The following PTPRH variants were observed in gnomAD, a reference collection of about 807,000 sequenced individuals.
PTPRH encodes protein tyrosine phosphatase receptor type H.
Under a neutral mutation model 130.2 loss-of-function variants are expected in PTPRH, and 113 were observed. That is an observed-to-expected ratio of 0.87 (90% CI 0.75 to 1.01). The LOEUF (loss-of-function observed/expected upper bound fraction) is 1.01. Among genes scored for constraint, PTPRH ranks in the 50% least tolerant of loss-of-function variants. PTPRH has a pLI of 0.00. For synonymous variants in PTPRH, 556 were observed against 577.9 expected, an observed-to-expected ratio of 0.96 and a Z score of 0.54; for missense variants, 1,430 against 1,425.0, an observed-to-expected ratio of 1.00 and a Z score of -0.06.
chr19:55,207,347 A>ACCTAACCCTCGACCTAAC (rs2087103750), intron 1 of PTPRH, 148 bp from the exon 2 acceptor site: 1 of 787,370 alleles, frequency 1.3e-6, no homozygotes, highest in Non-Finnish European at 2.0e-6. Context: ...GGCTGTCACG[A>ACCTAACCCTCGACCTAAC]CCTCGACCGT....
intron 18 of PTPRH, among the ~76,000 whole-genome samples, chr19:55,184,438 C>T (rs1474090170): frequency 6.6e-6 from 1 of 152,184 alleles, no homozygotes; most frequent in Non-Finnish European, 1.5e-5. Flanking sequence ...GTTACTCTTC[C>T]TCATCTCCCT....
At chr19:55,188,261 C>T (rs2086424694) in intron 12 of PTPRH, 93 bp from the exon 13 acceptor site, 4 of 1,045,630 alleles carry the variant, frequency 3.8e-6, no homozygotes, top group Admixed American at 3.5e-5. Context: ...GCCTGTAATC[C>T]CAGCACTTTG....
chr19:55,198,072 C>CTGGG (rs1275528564), intron 8 of PTPRH, among the ~76,000 whole-genome samples: 1 of 152,218 alleles, frequency 6.6e-6, no homozygotes, highest in Admixed American at 6.5e-5. Flanking sequence ...TTTAAATGAG[C>CTGGG]TGGGCATGGT....
chr19:55,187,865 G>A (rs1319240261), intron 13 of PTPRH, among the ~76,000 whole-genome samples: 1 of 152,038 alleles, frequency 6.6e-6, no homozygotes, highest in Admixed American at 6.6e-5. Context: ...CTGGGTGGGG[G>A]CAGAGAGAGT....
intron 12 of PTPRH, among the ~76,000 whole-genome samples, chr19:55,189,513 G>A (rs1719542863): frequency 1.3e-5 from 2 of 152,086 alleles, no homozygotes; most frequent in South Asian, 2.1e-4. Context: ...GGAGACGCAC[G>A]ATGTTCTCTG....
At position 55,205,402 on chromosome 19, in the gene PTPRH, C is replaced by A; in HGVS notation, c.543G>T (p.Gly181=). ...CCCACATGGAAAACGCATACAAACA[C>A]CCGGGTTCAAGTCCATCCACGGTGA... is the stretch of plus-strand genomic sequence containing the variant. ...TNITVDGLEP[G]CLYAFSMWVG... Residue 181 remains glycine, a synonymous_variant, in exon 4 of 20, where the codon GGG becomes GGT. Coordinates refer to ENST00000376350, the MANE Select transcript of PTPRH (RefSeq NM_002842.5). 1 of 1,614,200 alleles carries A rather than the reference C, an allele frequency of 6.2e-7. No homozygotes were observed. Among genetic ancestry groups the A allele is most frequent in the Non-Finnish European group, 8.5e-7 (1 of 1,180,044 alleles).
intron 16 of PTPRH, 99 bp from the exon 17 acceptor site, chr19:55,186,083 G>A (rs535017515): frequency 1.3e-6 from 2 of 1,594,206 alleles, no homozygotes; most frequent in Admixed American, 1.7e-5. Flanking sequence ...GGGCTGGGGG[G>A]AGAGTGGGGA....
At chr19:55,186,039 G>A (rs1193633311) in intron 16 of PTPRH, 55 bp from the exon 17 acceptor site, 3 of 1,612,482 alleles carry the variant, frequency 1.9e-6, no homozygotes, top group Non-Finnish European at 1.7e-6. Flanking sequence ...GGTCTGTGGG[G>A]TCTGCTTTAG....
At position 55,187,571 on chromosome 19, in the gene PTPRH, C is replaced by G; in HGVS notation, c.2508G>C (p.Gln836His). The G allele has an allele frequency of 6.2e-7, 1 of 1,613,406 alleles. No homozygotes were observed. Among genetic ancestry groups the G allele is most frequent in the African/African-American group, 1.3e-5 (1 of 74,920 alleles). ...TGTTCTCTGAAGCCGAAGCCACCAT[C>G]TGAGACTGGCTGTGGCCCACCAGGG... ...QLSLVGHSQS[Q>H]MVASASENNA... is the part of the protein sequence containing the mutation. Residue 836 changes from glutamine (Q) to histidine (H), a missense_variant, in exon 14 of 20, where the codon CAG becomes CAC. Gln to His is a conservative substitution (Grantham distance 24). Transcript: ENST00000376350.
chr19:55,188,086 C>T lies in PTPRH; in HGVS notation c.2467G>A (p.Glu823Lys), dbSNP rs890870. The change falls in exon 13 of 20, where the codon GAG becomes AAG. Residue 823 changes from glutamate to lysine, a missense_variant. Transcript: ENST00000376350. ...CTCTGTCCTCTCCCCACCTGGTACT[C>T]GTCTGCAAAACCACAGTTGCTGTCC... ...ERDSNCGFADEYQQLSLVGHS... is the reference protein window; with the variant it reads ...ERDSNCGFADKYQQLSLVGHS... The T allele has an allele frequency of 5.3e-5, 85 of 1,613,724 alleles. No homozygotes were observed. The East Asian group carries it at 1.1e-3, about 21-fold the overall frequency.
intron 12 of PTPRH, among the ~76,000 whole-genome samples, chr19:55,191,125 A>G (rs1232699345): frequency 6.6e-6 from 1 of 152,226 alleles, no homozygotes; most frequent in Admixed American, 6.5e-5. Context: ...TACAGGCATG[A>G]GCCACCGCAC....
intron 5 of PTPRH, 38 bp from the exon 6 acceptor site, chr19:55,202,360 T>TAGTTG: frequency 2.5e-6 from 4 of 1,609,126 alleles, no homozygotes; most frequent in African/African-American, 1.3e-5. Context: ...AGTTGTAGTT[T>TAGTTG]CTGGCCCTCA....
chr19:55,191,112 G>A (rs1286677154), intron 12 of PTPRH, among the ~76,000 whole-genome samples: 2 of 152,312 alleles, frequency 1.3e-5, no homozygotes, highest in East Asian at 3.9e-4. Flanking sequence ...AAAGTGCTGG[G>A]ATTACAGGCA....
At chr19:55,203,724 C>T in intron 5 of PTPRH, 58 bp downstream of exon 5, 2 of 1,519,414 alleles carry the variant, frequency 1.3e-6, no homozygotes, top group Admixed American at 4.0e-5. Context: ...AGCTCCCAAC[C>T]ACCCCCTACC....
chr19:55,186,640 AAGACC>A lies in PTPRH; in HGVS notation c.2567-105_2567-101del, dbSNP rs2086344784. The A allele has an allele frequency of 2.7e-3, 3,194 of 1,172,460 alleles. 2 individuals are homozygous for A. Among genetic ancestry groups the A allele is most frequent in the Middle Eastern group, 6.2e-3 (24 of 3,880 alleles). 72.6% of individuals were successfully genotyped at this position (1,172,460 alleles called of 1,614,324 possible). On this transcript the variant is annotated intron_variant, in intron 14 of 19. Transcript: ENST00000376350. Reference sequence around the variant, plus strand: ...CCCAGAGAGGCACAGAGACAAGACCAAGACCCATGGACAAAAGTCATGCCGAGACG... The same window carrying A: ...CCCAGAGAGGCACAGAGACAAGACCACATGGACAAAAGTCATGCCGAGACG...
intron 10 of PTPRH, among the ~76,000 whole-genome samples, chr19:55,195,032 A>G (rs1356484011): frequency 6.6e-6 from 1 of 152,316 alleles, no homozygotes; most frequent in Non-Finnish European, 1.5e-5. Context: ...TACTAAAAAA[A>G]TTTAAAAATT....
chr19:55,202,799 G>T (rs1316929727), intron 5 of PTPRH, among the ~76,000 whole-genome samples: 2 of 152,164 alleles, frequency 1.3e-5, no homozygotes, highest in Non-Finnish European at 2.9e-5. Flanking sequence ...AGCACTTTGG[G>T]AGGCTGAGGT....
intron 4 of PTPRH, 78 bp from the exon 5 acceptor site, chr19:55,204,126 G>T: frequency 2.1e-6 from 3 of 1,445,268 alleles, no homozygotes; most frequent in Non-Finnish European, 2.8e-6. Flanking sequence ...CTTTTTGTTT[G>T]TTTGTTTTTT....
intron 7 of PTPRH, among the ~76,000 whole-genome samples, chr19:55,199,150 A>C (rs2086779011): frequency 6.6e-6 from 1 of 152,172 alleles, no homozygotes; most frequent in Non-Finnish European, 1.5e-5. Context: ...ACTAAAAATT[A>C]AAACAAATTA....
Sources: gnomAD v4.1 joint callset for allele counts (sites outside exome capture counted in the v4.1 genomes callset) on GRCh38, gnomAD v4.1.1 for gene constraint, MANE v1.5 for transcripts, NCBI Gene and HGNC (gene_info 2026-07-23, HGNC 2026-07-21) for gene names.